Variants in LRBA observed in about 807,000 individuals in gnomAD.
LRBA encodes the protein lipopolysaccharide-responsive and beige-like anchor protein.
A neutral mutation model predicts 330.0 loss-of-function variants in LRBA; 176 were observed. That is an observed-to-expected ratio of 0.53 (90% confidence interval 0.47 to 0.60). The LOEUF (loss-of-function observed/expected upper bound fraction) is 0.60, where lower values mean the gene tolerates loss of function less well. Among genes scored for constraint, LRBA ranks in the 20% least tolerant of loss-of-function variants. LRBA has a pLI of 0.00. For synonymous variants in LRBA, 1,230 were observed against 1,193.0 expected, an observed-to-expected ratio of 1.03 and a Z score of -0.64; for missense variants, 3,259 against 3,444.8, an observed-to-expected ratio of 0.95 and a Z score of 1.35.
chr4:150,767,803 C>A (rs1459460051), intron 34 of LRBA, among the ~76,000 whole-genome samples: 1 of 132,680 alleles, frequency 7.5e-6, no homozygotes, highest in African/African-American at 2.9e-5. Flanking sequence ...GTGGCTCACA[C>A]GTGTAATTCC....
rs1020214301 is a variant in LRBA, at chr4:150,745,538, T to C, written c.5646-10172A>G. Among the ~76,000 whole-genome samples the C allele has an allele frequency of 6.6e-5, 10 of 152,178 alleles. No homozygotes were observed. The East Asian group carries it at 1.5e-3, about 23-fold the overall frequency. ...TTGTTTTTTGTTTTTGTTTTGGAGA[T>C]GGAGTCTTACTCTGTCGCCCAGGCT... is the stretch of plus-strand genomic sequence containing the variant. On this transcript the variant is annotated intron_variant, in intron 35 of 56. Coordinates refer to ENST00000651943, the MANE Select transcript of LRBA (RefSeq NM_001364905.1).
chr4:150,878,445 C>A lies in LRBA; in HGVS notation c.2166-5690G>T, dbSNP rs150643389. Among the ~76,000 whole-genome samples the A allele has an allele frequency of 4.2e-3, 644 of 151,810 alleles. 3 individuals carry two copies. Among genetic ancestry groups the A allele is most frequent in the African/African-American group, 0.015 (623 of 41,416 alleles). ...CACACCTAGAGGAACTAGAAAAACA[C>A]AAACTATTAACCCCAAAGCTACCAG... On this transcript the variant is annotated intron_variant, in intron 17 of 56. Coordinates refer to ENST00000651943, the MANE Select transcript of LRBA (RefSeq NM_001364905.1).
At chr4:150,611,377 G>A (rs903942476) in intron 37 of LRBA, among the ~76,000 whole-genome samples, 5 of 152,040 alleles carry the variant, frequency 3.3e-5, no homozygotes, top group African/African-American at 9.7e-5. Context: ...AAGAAATAGC[G>A]CTAGACCCTC....
intron 2 of LRBA, among the ~76,000 whole-genome samples, chr4:151,000,465 A>G (rs993601236): frequency 1.3e-5 from 2 of 152,126 alleles, no homozygotes; most frequent in African/African-American, 4.8e-5. Flanking sequence ...CAACATCACT[A>G]CTCTTGTCCC....
At chr4:150,303,633 G>A (rs1468717210) in intron 52 of LRBA, among the ~76,000 whole-genome samples, 5 of 151,302 alleles carry the variant, frequency 3.3e-5, no homozygotes, top group African/African-American at 1.2e-4. Context: ...GTGTAGTGGC[G>A]CGATCTTGGC....
chr4:150,410,405 A>G (rs1372385855), intron 47 of LRBA, among the ~76,000 whole-genome samples: 3 of 152,210 alleles, frequency 2.0e-5, no homozygotes, highest in African/African-American at 4.8e-5. Flanking sequence ...ACTTGTCCAC[A>G]TATTCTCTGA....
chr4:150,335,209 C>T (rs1311477161), intron 48 of LRBA, among the ~76,000 whole-genome samples: 1 of 151,722 alleles, frequency 6.6e-6, no homozygotes, highest in African/African-American at 2.4e-5. Flanking sequence ...TTATAGCACT[C>T]TATAACAGTA....
intron 2 of LRBA, among the ~76,000 whole-genome samples, chr4:150,962,193 G>GA (rs1301419988): frequency 6.7e-6 from 1 of 149,354 alleles, no homozygotes; most frequent in Non-Finnish European, 1.5e-5. Context: ...GACATTTGTA[G>GA]AAAAAATAAA....
At chr4:150,467,585 T>A (rs1356789267) in intron 44 of LRBA, 88 bp downstream of exon 44, 14 of 792,328 alleles carry the variant, frequency 1.8e-5, no homozygotes, top group African/African-American at 3.6e-5. Context: ...TTGAAAAAAA[T>A]TTTTAAGTTA....
intron 40 of LRBA, among the ~76,000 whole-genome samples, chr4:150,565,682 G>A (rs914543372): frequency 3.3e-5 from 5 of 151,976 alleles, no homozygotes; most frequent in Non-Finnish European, 1.5e-5. Context: ...GCACACAATG[G>A]AATCCTGACT....
chr4:150,346,417 A>G (rs142692123), intron 48 of LRBA, among the ~76,000 whole-genome samples: 21 of 152,272 alleles, frequency 1.4e-4, no homozygotes, highest in African/African-American at 4.6e-4. Context: ...AACTTAAAGC[A>G]AAAGTTTTAA....
intron 35 of LRBA, among the ~76,000 whole-genome samples, chr4:150,742,600 T>C (rs1732160642): frequency 6.6e-6 from 1 of 152,154 alleles, no homozygotes; most frequent in Non-Finnish European, 1.5e-5. Flanking sequence ...AATGTTTTCA[T>C]TTAAAATATA....
At chr4:150,911,216 C>G (rs1731951436) in intron 9 of LRBA, among the ~76,000 whole-genome samples, 1 of 152,120 alleles carries the variant, frequency 6.6e-6, no homozygotes, top group Non-Finnish European at 1.5e-5. Flanking sequence ...TTTCCAAATA[C>G]TATGTTGAAT....
chr4:150,920,378 G>A (rs572974686), intron 5 of LRBA, among the ~76,000 whole-genome samples: 39 of 152,162 alleles, frequency 2.6e-4, no homozygotes, highest in African/African-American at 8.4e-4. Flanking sequence ...GCAAAACCCC[G>A]TCTCTACTAA....
At chr4:150,374,043 T>C (rs1740857539) in intron 47 of LRBA, among the ~76,000 whole-genome samples, 1 of 152,212 alleles carries the variant, frequency 6.6e-6, no homozygotes, top group Admixed American at 6.5e-5. Context: ...GACACCATAC[T>C]TCTCAAAAGC....
Position 151,014,411 on chromosome 4 carries a change from A to C in LRBA, c.216+16T>G. On this transcript the variant is annotated intron_variant, in intron 2 of 56. Coordinates refer to ENST00000651943, the MANE Select transcript of LRBA (RefSeq NM_001364905.1). The stretch of plus-strand genomic sequence containing the variant: ...ACTGAAAAGAGTATATGCTTATAAA[A>C]TATTCATGGACTTACCAGGTTAAAG... 1 of 1,598,410 alleles carries C rather than the reference A, an allele frequency of 6.3e-7. No individual in the cohort carries two copies. Among genetic ancestry groups the C allele is most frequent in the Non-Finnish European group, 8.6e-7 (1 of 1,166,110 alleles).
intron 55 of LRBA, among the ~76,000 whole-genome samples, chr4:150,280,642 AG>A (rs1283729775): frequency 6.6e-6 from 1 of 152,236 alleles, no homozygotes; most frequent in Non-Finnish European, 1.5e-5. Context: ...GCCTGCCTGC[AG>A]GGTTCTTGGT....
intron 39 of LRBA, among the ~76,000 whole-genome samples, chr4:150,589,010 A>C (rs1470224510): frequency 6.6e-6 from 1 of 151,326 alleles, no homozygotes; most frequent in Admixed American, 6.6e-5. Flanking sequence ...AAAATGTTAC[A>C]TATATATGTC....
At position 150,831,200 on chromosome 4, in the gene LRBA, C is replaced by CTTT. The variant is rs77038090; in HGVS notation, c.4729+614_4729+616dup. On this transcript the variant is annotated intron_variant, in intron 29 of 56. Transcript: ENST00000651943. Reference sequence around the variant, plus strand: ...ATATTTTTACCATCTTTATTACTTTCTTTTTTTTTTTTTTTAGCACTTTCA... The same window carrying CTTT: ...ATATTTTTACCATCTTTATTACTTTCTTTTTTTTTTTTTTTTTTAGCACTTTCA... 4.3e-4 allele frequency among the ~76,000 whole-genome samples: 60 copies of CTTT among 138,398 alleles called. 1 individual carries two copies. Among genetic ancestry groups the CTTT allele is most frequent in the African/African-American group, 1.5e-3 (58 of 38,398 alleles). The allele number at this position is 138,398 out of a possible 152,430, so 90.8% of individuals were successfully genotyped here. A position where few individuals can be genotyped will look rare whatever the true frequency, so the allele number is the denominator to read the frequency against.
Sources: allele counts gnomAD v4.1 joint callset (sites outside exome capture counted in the v4.1 genomes callset), GRCh38; gene constraint gnomAD v4.1.1; transcripts MANE v1.5; gene names NCBI Gene and HGNC (gene_info 2026-07-23, HGNC 2026-07-21).